TBC1D4: variants seen among roughly 807,000 people sequenced by gnomAD.
The protein encoded by TBC1D4 is TBC1 domain family member 4.
A neutral mutation model predicts 142.5 loss-of-function variants in TBC1D4; 121 were observed. That is an observed-to-expected ratio of 0.85 (90% CI 0.73 to 0.99). The LOEUF (loss-of-function observed/expected upper bound fraction) is 0.99, where lower values mean the gene tolerates loss of function less well. Ranked by LOEUF, TBC1D4 falls within the 50% of genes least tolerant of loss-of-function variation. The pLI, the probability that TBC1D4 is intolerant of heterozygous loss-of-function variation, is 0.00. For missense variants in TBC1D4, 1,475 were observed against 1,606.6 expected (o/e 0.92, Z 1.40); for synonymous variants, 630 against 628.2 (o/e 1.00, Z -0.04).
At chr13:75,389,508 AGAAAAG>A (rs1884354535) in intron 1 of TBC1D4, among the ~76,000 whole-genome samples, 1 of 152,224 alleles carries the variant, frequency 6.6e-6, no homozygotes, top group Non-Finnish European at 1.5e-5. Flanking sequence ...AATAGTTTGT[AGAAAAG>A]CTTGGTTTTA....
At chr13:75,373,417 G>A (rs923623316) in intron 1 of TBC1D4, among the ~76,000 whole-genome samples, 5 of 152,090 alleles carry the variant, frequency 3.3e-5, no homozygotes, top group Admixed American at 6.5e-5. Context: ...CAGGCCATCC[G>A]GGGATAAAAA....
rs146387157 is a variant in TBC1D4 at position 75,455,823 on chromosome 13, A to C, written c.498+25447T>G. Among the ~76,000 whole-genome samples, 20 of 152,242 alleles carry C rather than the reference A, an allele frequency of 1.3e-4. No homozygotes were observed. The East Asian group carries it at 2.5e-3, about 19-fold the overall frequency. On this transcript the variant is annotated intron_variant, in intron 1 of 20. Transcript: ENST00000377636. ...AAAGACACAGCCTTGATGTGGACCTACCCCAAAAGCCTAGCAAAAGGTTAG... is the reference window on the plus strand; with the variant it reads ...AAAGACACAGCCTTGATGTGGACCTCCCCCAAAAGCCTAGCAAAAGGTTAG...
chr13:75,481,244 C>G lies in TBC1D4; in HGVS notation c.498+26G>C, dbSNP rs750729559. 1.9e-6 allele frequency: 3 copies of G among 1,607,990 alleles called. No homozygotes were observed. The South Asian group carries it at 3.3e-5, about 18-fold the overall frequency. On this transcript the variant is annotated intron_variant, in intron 1 of 20. Coordinates refer to ENST00000377636, the MANE Select transcript of TBC1D4 (RefSeq NM_014832.5). ...CCGATCCCCCAAGGCCGAGCCCGCC[C>G]CCGCGCCTCCGAGCCCCTGTCTTGC...
chr13:75,404,164 T>G (rs796722318), intron 1 of TBC1D4, among the ~76,000 whole-genome samples: 10 of 152,268 alleles, frequency 6.6e-5, no homozygotes, highest in African/African-American at 2.4e-4. Context: ...CACTAGATTT[T>G]TTAAAAAGAT....
intron 1 of TBC1D4, among the ~76,000 whole-genome samples, chr13:75,452,291 C>T (rs1264191288): frequency 1.3e-5 from 2 of 152,108 alleles, no homozygotes; most frequent in Non-Finnish European, 2.9e-5. Flanking sequence ...AATAAAGATA[C>T]TATCTTGGAG....
intron 1 of TBC1D4, among the ~76,000 whole-genome samples, chr13:75,397,174 C>T (rs572537421): frequency 1.3e-3 from 205 of 152,000 alleles, no homozygotes; most frequent in Non-Finnish European, 2.3e-3. Context: ...GCAGAAACTC[C>T]AGGAAAAACA....
Position 75,302,252 on chromosome 13 carries a change from C to T in TBC1D4, c.2902G>A (p.Val968Met), listed in dbSNP as rs191516041. Residue 968 changes from valine (V) to methionine (M), a missense_variant, in exon 16 of 21, where the codon GTG (valine) becomes ATG (methionine). Coordinates refer to ENST00000377636, the MANE Select transcript of TBC1D4 (RefSeq NM_014832.5). ...QLTAQQHAIL[V>M]DLGRTFPTHP... ...CACATGACAAACATACCTAAATCCA[C>T]GAGAATCGCATGCTGCTGAGCAGTG... is the stretch of plus-strand genomic sequence containing the variant. 3.2e-5 allele frequency: 51 copies of T among 1,614,156 alleles called. No individual in the cohort carries two copies. The African/African-American group carries it at 5.7e-4, about 18-fold the overall frequency.
intron 1 of TBC1D4, among the ~76,000 whole-genome samples, chr13:75,451,469 A>G (rs1887526807): frequency 6.7e-6 from 1 of 149,276 alleles, no homozygotes; most frequent in East Asian, 1.9e-4. Context: ...TATATAACAT[A>G]TATATTAATA....
chr13:75,353,710 A>T (rs1881805586), intron 4 of TBC1D4, among the ~76,000 whole-genome samples: 1 of 152,184 alleles, frequency 6.6e-6, no homozygotes, highest in Non-Finnish European at 1.5e-5. Context: ...GCGGAAGGGT[A>T]CTCAGACTAT....
At chr13:75,392,194 T>C (rs1219768881) in intron 1 of TBC1D4, among the ~76,000 whole-genome samples, 1 of 152,218 alleles carries the variant, frequency 6.6e-6, no homozygotes, top group African/African-American at 2.4e-5. Flanking sequence ...TATAAATATG[T>C]GTTGGATAAA....
intron 12 of TBC1D4, among the ~76,000 whole-genome samples, chr13:75,314,821 A>T (rs1466513361): frequency 1.3e-5 from 2 of 151,444 alleles, no homozygotes; most frequent in Non-Finnish European, 2.9e-5. Context: ...ACAAAAAAAA[A>T]AAAAAAAATT....
At chr13:75,343,094 T>C (rs985736648) in intron 5 of TBC1D4, among the ~76,000 whole-genome samples, 5 of 152,232 alleles carry the variant, frequency 3.3e-5, no homozygotes, top group Non-Finnish European at 7.3e-5. Flanking sequence ...AGTCTATAAG[T>C]ACATTGTGCA....
At position 75,336,930 on chromosome 13, in the gene TBC1D4, G is replaced by T; in HGVS notation, c.1722C>A (p.Ile574=). The change falls in exon 8 of 21, where the codon ATC becomes ATA. Residue 574 remains isoleucine (I), a synonymous_variant. Transcript: ENST00000377636. ...ATTGGTGCAATCTTACCCTTGAGAA[G>T]ATATTTTCCAGGGAGCTAGTTAAGG... ...KRSLTSSLEN[I]FSRGANRMRG... is the part of the protein sequence containing the mutation. 1 of 1,613,546 alleles carries T rather than the reference G, an allele frequency of 6.2e-7. No homozygotes were observed. The highest frequency in any genetic ancestry group is 2.2e-5 in the East Asian group (1 of 44,748).
intron 1 of TBC1D4, among the ~76,000 whole-genome samples, chr13:75,429,047 G>A (rs1406814708): frequency 6.6e-6 from 1 of 152,116 alleles, no homozygotes; most frequent in Non-Finnish European, 1.5e-5. Context: ...ACATACCCAG[G>A]TTATCATTAC....
chr13:75,322,624 G>T (rs563672777), intron 11 of TBC1D4, among the ~76,000 whole-genome samples: 2 of 152,266 alleles, frequency 1.3e-5, no homozygotes, highest in African/African-American at 4.8e-5. Context: ...AATGGGTATT[G>T]CTAATTGTCA....
chr13:75,443,621 CAAAG>C (rs1233439076), intron 1 of TBC1D4, among the ~76,000 whole-genome samples: 1 of 152,244 alleles, frequency 6.6e-6, no homozygotes, highest in East Asian at 1.9e-4. Flanking sequence ...CCGTGATTCT[CAAAG>C]AAAGAAAAAG....
At chr13:75,462,942 T>C (rs1888030305) in intron 1 of TBC1D4, among the ~76,000 whole-genome samples, 1 of 152,166 alleles carries the variant, frequency 6.6e-6, no homozygotes, top group East Asian at 1.9e-4. Context: ...CAGCAAAGCA[T>C]GGGTAATAAT....
chr13:75,457,106 A>G (rs1394267079), intron 1 of TBC1D4, among the ~76,000 whole-genome samples: 1 of 152,138 alleles, frequency 6.6e-6, no homozygotes, highest in African/African-American at 2.4e-5. Flanking sequence ...AGAAATCAGG[A>G]TAATGATTTC....
chr13:75,321,729 A>G (rs746755306), intron 11 of TBC1D4, among the ~76,000 whole-genome samples: 1 of 152,188 alleles, frequency 6.6e-6, no homozygotes, highest in South Asian at 2.1e-4. Flanking sequence ...AGGTACAATT[A>G]AAGACATGTA....
Sources: allele counts gnomAD v4.1 joint callset (sites outside exome capture counted in the v4.1 genomes callset), GRCh38; gene constraint gnomAD v4.1.1; transcripts MANE v1.5; gene names NCBI Gene and HGNC (gene_info 2026-07-23, HGNC 2026-07-21).